Variants in SIPA1L3 observed in about 807,000 individuals in gnomAD.
The protein encoded by SIPA1L3 is signal induced proliferation associated 1 like 3.
In SIPA1L3, 59 loss-of-function variants were observed where a neutral mutation model predicts 150.1. The observed-to-expected ratio is 0.39, with a 90% CI of 0.32 to 0.49. The LOEUF is 0.49. Among genes scored for constraint, SIPA1L3 ranks in the 20% least tolerant of loss-of-function variants. The pLI is 0.86. For synonymous variants in SIPA1L3, 1,070 were observed against 1,077.6 expected (o/e 0.99, Z 0.14); for missense variants, 2,211 against 2,489.5 (o/e 0.89, Z 2.38).
intron 2 of SIPA1L3, among the ~76,000 whole-genome samples, chr19:38,031,087 A>T (rs1010447942): frequency 6.6e-6 from 1 of 152,210 alleles, no homozygotes; most frequent in Non-Finnish European, 1.5e-5. Context: ...GCTAGGGGCC[A>T]GATTTCTGTC....
intron 16 of SIPA1L3, among the ~76,000 whole-genome samples, chr19:38,189,474 T>C (rs749179945): frequency 6.6e-6 from 1 of 151,978 alleles, no homozygotes; most frequent in Non-Finnish European, 1.5e-5. Flanking sequence ...TAGAAAGTGA[T>C]GTCATTTTTG....
intron 2 of SIPA1L3, among the ~76,000 whole-genome samples, chr19:38,071,297 T>C (rs1332795692): frequency 6.6e-6 from 1 of 152,010 alleles, no homozygotes; most frequent in Non-Finnish European, 1.5e-5. Flanking sequence ...TGCCTACCTA[T>C]CTATGTAGTG....
intron 13 of SIPA1L3, among the ~76,000 whole-genome samples, chr19:38,157,995 C>T (rs563135773): frequency 1.3e-5 from 2 of 152,290 alleles, no homozygotes; most frequent in African/African-American, 2.4e-5. Flanking sequence ...AATCCCAGCA[C>T]TTTCGGAGGC....
intron 1 of SIPA1L3, among the ~76,000 whole-genome samples, chr19:37,960,177 A>G (rs1424265291): frequency 6.6e-6 from 1 of 152,082 alleles, no homozygotes; most frequent in Non-Finnish European, 1.5e-5. Context: ...TAAAGGATTT[A>G]TGTAATATTT....
At position 38,088,892 on chromosome 19, in the gene SIPA1L3, C is replaced by T. The variant is rs770437674; in HGVS notation, c.1665+41C>T. Reference sequence around the variant, plus strand: ...CTCGTTCTTATTAAAGAAATCATAGCCACTCACATCTCGAGCCAGGTTCTG... The same window carrying T: ...CTCGTTCTTATTAAAGAAATCATAGTCACTCACATCTCGAGCCAGGTTCTG... On this transcript the variant is annotated intron_variant, in intron 4 of 21. Coordinates refer to ENST00000222345, the MANE Select transcript of SIPA1L3 (RefSeq NM_015073.3). The T allele has an allele frequency of 3.1e-6, 5 of 1,602,278 alleles. No homozygotes were observed. The South Asian group carries it at 3.3e-5, about 11-fold the overall frequency.
chr19:38,124,678 C>T (rs1342104345), intron 9 of SIPA1L3, among the ~76,000 whole-genome samples: 3 of 152,188 alleles, frequency 2.0e-5, no homozygotes, highest in East Asian at 1.9e-4. Flanking sequence ...TGTAGCAAGC[C>T]GAGATCACGC....
At position 38,164,747 on chromosome 19, in the gene SIPA1L3, C is replaced by A. The variant is rs745937818; in HGVS notation, c.4049C>A (p.Ala1350Asp). The A allele has an allele frequency of 6.2e-7, 1 of 1,612,712 alleles. No homozygotes were observed. The highest frequency in any genetic ancestry group is 8.5e-7 in the Non-Finnish European group (1 of 1,179,574). The change falls in exon 15 of 22, where the codon GCC becomes GAC. Residue 1350 changes from alanine (A) to aspartate (D), a missense_variant. Coordinates refer to ENST00000222345, the MANE Select transcript of SIPA1L3 (RefSeq NM_015073.3). The surrounding 1 kb of genome is among the most constrained non-coding windows in gnomAD (Gnocchi z 4.1). Reference protein sequence around the residue: ...SMGLCGGGREAAGRSHHADRR... With the variant: ...SMGLCGGGREDAGRSHHADRR... ...GGCCTTTGTGGCGGGGGTCGCGAGG[C>A]CGCTGGGAGGTCCCACCACGCAGAC...
At chr19:38,085,126 T>A (rs996041326) in intron 3 of SIPA1L3, among the ~76,000 whole-genome samples, 1 of 152,020 alleles carries the variant, frequency 6.6e-6, no homozygotes, top group African/African-American at 2.4e-5. Flanking sequence ...CAAATGAAGA[T>A]GATTATATCA....
At chr19:38,125,011 A>ACCGTGGGGAGAGGGAGAGGGAGAGGGAGC (rs1568563625) in intron 9 of SIPA1L3, among the ~76,000 whole-genome samples, 2 of 149,508 alleles carry the variant, frequency 1.3e-5, no homozygotes, top group Admixed American at 6.7e-5. Context: ...GGAGAGGGAG[A>ACCGTGGGGAGAGGGAGAGGGAGAGGGAGC]CCGTGGGGAG....
chr19:37,987,391 A>AC (rs1568490315), intron 1 of SIPA1L3, among the ~76,000 whole-genome samples: 1 of 152,116 alleles, frequency 6.6e-6, no homozygotes, highest in Admixed American at 6.5e-5. Flanking sequence ...TTGGTGATTG[A>AC]CTACCCATTA....
intron 15 of SIPA1L3, among the ~76,000 whole-genome samples, chr19:38,178,242 A>G (rs1267181740): frequency 6.6e-6 from 1 of 150,944 alleles, no homozygotes; most frequent in Non-Finnish European, 1.5e-5. Context: ...GTGCCTCACA[A>G]CTGTAATCCT....
chr19:38,178,364 G>A (rs2146016039), intron 15 of SIPA1L3, among the ~76,000 whole-genome samples: 1 of 151,818 alleles, frequency 6.6e-6, no homozygotes, highest in East Asian at 2.0e-4. Context: ...GCAACTCCTG[G>A]GCTCCAGCAG....
Position 38,152,660 on chromosome 19 carries a change from G to A in SIPA1L3, c.3534-180G>A, listed in dbSNP as rs563965529. Among the ~76,000 whole-genome samples the A allele has an allele frequency of 7.6e-4, 116 of 152,258 alleles. No individual in the cohort carries two copies. The Middle Eastern group carries it at 0.01, about 13-fold the overall frequency. On this transcript the variant is annotated intron_variant, in intron 12 of 21. Coordinates refer to ENST00000222345, the MANE Select transcript of SIPA1L3 (RefSeq NM_015073.3). ...CAGGCGAGACTCTCATCCCGGACCC[G>A]CAGCTAATAGCACGTTTCCAGGCTT...
chr19:38,135,148 C>G (rs748974720), intron 10 of SIPA1L3, among the ~76,000 whole-genome samples: 1 of 152,224 alleles, frequency 6.6e-6, no homozygotes, highest in African/African-American at 2.4e-5. Context: ...TGAAAGCCAT[C>G]ACGAGCTATT....
At chr19:38,203,339 G>T (rs187111128) in intron 20 of SIPA1L3, among the ~76,000 whole-genome samples, 1 of 152,342 alleles carries the variant, frequency 6.6e-6, no homozygotes, top group East Asian at 1.9e-4. Flanking sequence ...CAGCAGCAAG[G>T]TTGTAGGAAA....
At chr19:38,085,001 G>A (rs1970094787) in intron 3 of SIPA1L3, among the ~76,000 whole-genome samples, 1 of 152,054 alleles carries the variant, frequency 6.6e-6, no homozygotes, top group Admixed American at 6.6e-5. Context: ...ACAAATGTCA[G>A]TTAAGTCATC....
chr19:38,136,826 G>A (rs11880776), intron 10 of SIPA1L3, among the ~76,000 whole-genome samples: 11,670 of 152,198 alleles, frequency 0.077, 1,320 homozygotes, highest in African/African-American at 0.24. Context: ...GGCGAGAGCC[G>A]GGAGGAGCTG....
intron 2 of SIPA1L3, among the ~76,000 whole-genome samples, chr19:38,072,578 G>A (rs1485230039): frequency 3.9e-5 from 6 of 152,210 alleles, no homozygotes; most frequent in Non-Finnish European, 8.8e-5. Context: ...CAGACTTAGG[G>A]TTAAAGGGAA....
intron 1 of SIPA1L3, among the ~76,000 whole-genome samples, chr19:37,943,034 CTT>C (rs1236781453): frequency 1.9e-3 from 44 of 22,610 alleles, no homozygotes; most frequent in East Asian, 0.013. Flanking sequence ...CTCTCTCTCT[CTT>C]TTTTTTTTTT....
Sources: gnomAD v4.1 joint callset for allele counts (sites outside exome capture counted in the v4.1 genomes callset) on GRCh38, gnomAD v4.1.1 for gene constraint, Gnocchi (gnomAD v3.1) non-coding constraint, MANE v1.5 for transcripts, NCBI Gene and HGNC (gene_info 2026-07-23, HGNC 2026-07-21) for gene names.